Variants in ADAMTSL1 observed in about 807,000 individuals in gnomAD.
ADAMTSL1 encodes ADAMTS-like protein 1.
ADAMTSL1 carries 126 observed loss-of-function variants against 201.8 expected under a neutral mutation model. That is an observed-to-expected ratio of 0.62 (90% CI 0.54 to 0.72). The LOEUF is 0.72. Ranked by LOEUF, ADAMTSL1 falls within the 30% of genes least tolerant of loss-of-function variation. ADAMTSL1 has a pLI of 0.00. For synonymous variants in ADAMTSL1, 1,121 were observed against 903.4 expected, an observed-to-expected ratio of 1.24 and a Z score of -4.32; for missense variants, 2,679 against 2,277.8, an observed-to-expected ratio of 1.18 and a Z score of -3.59.
At chr9:18,541,667 C>G (rs562522127) in intron 3 of ADAMTSL1, among the ~76,000 whole-genome samples, 34 of 152,188 alleles carry the variant, frequency 2.2e-4, no homozygotes, top group Non-Finnish European at 3.8e-4. Flanking sequence ...CTGCCACTTA[C>G]CAGTTATGTG....
chr9:18,732,704 A>G (rs549869067), intron 15 of ADAMTSL1, among the ~76,000 whole-genome samples: 1 of 152,300 alleles, frequency 6.6e-6, no homozygotes, highest in South Asian at 2.1e-4. Flanking sequence ...TGAGGAAGGA[A>G]AGAAGGAACA....
chr9:18,324,082 G>A (rs991679632), intron 2 of ADAMTSL1, among the ~76,000 whole-genome samples: 3 of 152,052 alleles, frequency 2.0e-5, no homozygotes, highest in Non-Finnish European at 4.4e-5. Flanking sequence ...CAAAACTTAA[G>A]GTAATAAAGG....
intron 1 of ADAMTSL1, among the ~76,000 whole-genome samples, chr9:18,103,846 C>A (rs897309047): frequency 1.3e-5 from 2 of 152,084 alleles, no homozygotes; most frequent in Non-Finnish European, 2.9e-5. Context: ...AGCACTAGAC[C>A]CATAGGTGGT....
intron 1 of ADAMTSL1, among the ~76,000 whole-genome samples, chr9:17,994,185 C>A (rs1401827102): frequency 6.6e-6 from 1 of 152,104 alleles, no homozygotes; most frequent in South Asian, 2.1e-4. Flanking sequence ...AAGGCCCTGA[C>A]TAATCTGAAC....
In ADAMTSL1 at chr9:18,777,928, G is replaced by T. The variant is rs1166782417; in HGVS notation, c.3677+22G>T. 10 of 1,518,804 alleles carry T rather than the reference G, an allele frequency of 6.6e-6. No homozygotes were observed. The East Asian group carries it at 2.3e-4, about 35-fold the overall frequency. 94.1% of individuals were successfully genotyped at this position (1,518,804 alleles called of 1,614,324 possible). A position where few individuals can be genotyped will look rare whatever the true frequency, so the allele number is the denominator to read the frequency against. On this transcript the variant is annotated intron_variant, in intron 19 of 28. Transcript: ENST00000380548. ...ACAGGTGAGCCTTGTAGCTAACCTG[G>T]TCTTGGGAGGGAGGCAAGGGGCCAC... is the stretch of plus-strand genomic sequence containing the variant.
At chr9:18,801,829 TTG>T (rs935393719) in intron 20 of ADAMTSL1, among the ~76,000 whole-genome samples, 1 of 152,084 alleles carries the variant, frequency 6.6e-6, no homozygotes, top group Non-Finnish European at 1.5e-5. Flanking sequence ...CAGTGAACAT[TTG>T]TGTGTGTGTG....
chr9:18,368,744 T>A (rs557145244), intron 2 of ADAMTSL1, among the ~76,000 whole-genome samples: 9 of 152,364 alleles, frequency 5.9e-5, no homozygotes, highest in African/African-American at 1.9e-4. Flanking sequence ...ATGGTGAATA[T>A]GTTTGATCAG....
intron 2 of ADAMTSL1, among the ~76,000 whole-genome samples, chr9:18,272,579 T>C (rs1171681889): frequency 6.6e-6 from 1 of 152,218 alleles, no homozygotes; most frequent in Non-Finnish European, 1.5e-5. Context: ...CTATTCTCTG[T>C]TTTTGTTGAA....
At chr9:18,236,742 GA>G (rs1830865599) in intron 2 of ADAMTSL1, among the ~76,000 whole-genome samples, 2 of 152,178 alleles carry the variant, frequency 1.3e-5, no homozygotes, top group African/African-American at 4.8e-5. Flanking sequence ...TTTCAGCGAA[GA>G]AAAATACACA....
intron 1 of ADAMTSL1, among the ~76,000 whole-genome samples, chr9:18,089,292 AG>A (rs897766474): frequency 7.2e-5 from 11 of 152,210 alleles, no homozygotes; most frequent in Non-Finnish European, 1.5e-4. Context: ...GCCATAAAAA[AG>A]GATGAGCTCA....
intron 1 of ADAMTSL1, among the ~76,000 whole-genome samples, chr9:18,055,526 C>T (rs1437815862): frequency 1.3e-5 from 2 of 152,224 alleles, no homozygotes; most frequent in African/African-American, 4.8e-5. Flanking sequence ...AATGTCAATA[C>T]ATTAAATGCT....
intron 21 of ADAMTSL1, among the ~76,000 whole-genome samples, chr9:18,823,973 G>C (rs914513461): frequency 2.6e-5 from 4 of 151,580 alleles, no homozygotes; most frequent in African/African-American, 9.7e-5. Flanking sequence ...CTAGGTGACA[G>C]AGCAAGACTC....
intron 1 of ADAMTSL1, among the ~76,000 whole-genome samples, chr9:17,915,388 A>G (rs769269803): frequency 2.6e-5 from 4 of 152,200 alleles, no homozygotes; most frequent in African/African-American, 7.2e-5. Context: ...GCATGTATCA[A>G]TATCTCGCTG....
At chr9:18,868,929 C>T in intron 23 of ADAMTSL1, among the ~76,000 whole-genome samples, 1 of 152,186 alleles carries the variant, frequency 6.6e-6, no homozygotes, top group East Asian at 1.9e-4. Context: ...TCCTAATCTC[C>T]AGTACCTGTG....
chr9:18,714,094 A>G (rs895288235), intron 14 of ADAMTSL1, among the ~76,000 whole-genome samples: 1 of 152,216 alleles, frequency 6.6e-6, no homozygotes, highest in Non-Finnish European at 1.5e-5. Context: ...GGACACATTC[A>G]AGGCAGTGTG....
chr9:18,353,988 A>AT (rs1345647959), intron 2 of ADAMTSL1, among the ~76,000 whole-genome samples: 1 of 150,560 alleles, frequency 6.6e-6, no homozygotes, highest in Non-Finnish European at 1.5e-5. Context: ...CTTTCCAGAG[A>AT]TTTTCTATAC....
chr9:18,479,639 C>T (rs1352597911), intron 1 of ADAMTSL1, among the ~76,000 whole-genome samples: 1 of 152,114 alleles, frequency 6.6e-6, no homozygotes, highest in African/African-American at 2.4e-5. Flanking sequence ...TCTGTGCCAT[C>T]GCCCATCTCT....
intron 2 of ADAMTSL1, among the ~76,000 whole-genome samples, chr9:18,180,990 C>T (rs1828445602): frequency 6.6e-6 from 1 of 152,140 alleles, no homozygotes; most frequent in Non-Finnish European, 1.5e-5. Flanking sequence ...CGCATATCTA[C>T]AACTATCTGA....
At position 18,182,674 on chromosome 9, in the gene ADAMTSL1, C is replaced by G. The variant is rs374782293; in HGVS notation, c.207+18693C>G. ...GCAGCAGCACACATTTATTATTTATCAGACACTAAGTTATGAATGTGACAT... is the reference window on the plus strand; with the variant it reads ...GCAGCAGCACACATTTATTATTTATGAGACACTAAGTTATGAATGTGACAT... On this transcript the variant is annotated intron_variant, in intron 2 of 29. Coordinates refer to the ADAMTSL1 transcript ENST00000680146. Among the ~76,000 whole-genome samples, 29 of 152,154 alleles carry G rather than the reference C, an allele frequency of 1.9e-4. 1 individual carries two copies. The highest frequency in any genetic ancestry group is 1.9e-3 in the Admixed American group (29 of 15,274).
Sources: allele counts gnomAD v4.1 joint callset (sites outside exome capture counted in the v4.1 genomes callset), GRCh38; gene constraint gnomAD v4.1.1; transcripts MANE v1.5; gene names NCBI Gene and HGNC (gene_info 2026-07-23, HGNC 2026-07-21).